The following ZNF670 variants were observed in gnomAD, a reference collection of about 807,000 sequenced individuals.
The protein encoded by ZNF670 is zinc finger protein 670.
In ZNF670, 7 loss-of-function variants were observed where a neutral mutation model predicts 10.9. The observed-to-expected ratio is 0.64, with a 90% CI of 0.36 to 1.20. The LOEUF (loss-of-function observed/expected upper bound fraction) is 1.20, where lower values mean the gene tolerates loss of function less well. Ranked by LOEUF, ZNF670 falls within the 50% of genes most tolerant of loss-of-function variation. ZNF670 has a pLI of 0.02. For missense variants in ZNF670, 446 were observed against 458.6 expected, an observed-to-expected ratio of 0.97 and a Z score of 0.25; for synonymous variants, 136 against 152.7, an observed-to-expected ratio of 0.89 and a Z score of 0.81.
At chr1:247,042,526 GT>G (rs890346598) in intron 1 of ZNF670, among the ~76,000 whole-genome samples, 4 of 152,188 alleles carry the variant, frequency 2.6e-5, no homozygotes, top group African/African-American at 4.8e-5. Flanking sequence ...TCTGTTGAGG[GT>G]AGGTGGAAAG....
chr1:247,052,645 G>A (rs889583034), intron 1 of ZNF670, among the ~76,000 whole-genome samples: 1 of 152,184 alleles, frequency 6.6e-6, no homozygotes, highest in Admixed American at 6.5e-5. Flanking sequence ...GTTACAGGTG[G>A]TGGAATTAGC....
At chr1:247,063,095 T>G (rs1558344634) in intron 1 of ZNF670, among the ~76,000 whole-genome samples, 2 of 152,300 alleles carry the variant, frequency 1.3e-5, no homozygotes, top group South Asian at 4.1e-4. Context: ...AGTGGTCAGG[T>G]GGTTATTCTC....
At chr1:247,042,506 G>C (rs142554871) in intron 1 of ZNF670, among the ~76,000 whole-genome samples, 1 of 152,176 alleles carries the variant, frequency 6.6e-6, no homozygotes, top group Non-Finnish European at 1.5e-5. Flanking sequence ...AAGGAGCCAG[G>C]CCTGTGTTTT....
At chr1:247,060,571 A>G (rs1225863515) in intron 1 of ZNF670, among the ~76,000 whole-genome samples, 1 of 152,246 alleles carries the variant, frequency 6.6e-6, no homozygotes, top group Non-Finnish European at 1.5e-5. Context: ...CAGCTGCAAC[A>G]TGGAAAACAT....
At position 247,050,204 on chromosome 1, in the gene ZNF670, G is replaced by A. The variant is rs146731088; in HGVS notation, c.4-10667C>T. ...TTATTCTATAAATTTGGAAGCTCCA[G>A]TGTTAAGTGCATATGGACTTAAGAC... On this transcript the variant is annotated intron_variant, in intron 1 of 3. Coordinates refer to ENST00000366503, the MANE Select transcript of ZNF670 (RefSeq NM_033213.5). 9.2e-3 allele frequency among the ~76,000 whole-genome samples: 1,407 copies of A among 152,296 alleles called. 24 individuals carry two copies. The highest frequency in any genetic ancestry group is 0.051 in the Middle Eastern group (15 of 294).
rs114457870 is a variant in ZNF670, at chr1:247,043,587, A to T, written c.4-4050T>A. On this transcript the variant is annotated intron_variant, in intron 1 of 3. Coordinates refer to ENST00000366503, the MANE Select transcript of ZNF670 (RefSeq NM_033213.5). ...TTCCAAAAGTCTCACAATTCACTTC[A>T]GCATTGGGAGCACCAGCAGATGTCA... 1.7e-3 allele frequency: 1,069 copies of T among 629,814 alleles called. 8 individuals are homozygous for T. The African/African-American group carries it at 0.018, about 11-fold the overall frequency. The allele number at this position is 629,814 out of a possible 1,614,324, so 39.0% of individuals were successfully genotyped here. A position where few individuals can be genotyped will look rare whatever the true frequency, so the allele number is the denominator to read the frequency against.
chr1:247,045,869 G>T (rs1353047208), intron 1 of ZNF670, among the ~76,000 whole-genome samples: 1 of 152,164 alleles, frequency 6.6e-6, no homozygotes, highest in African/African-American at 2.4e-5. Flanking sequence ...GACAGTGAAA[G>T]CCAGGCCAAT....
At chr1:247,068,769 T>C (rs1244672358) in intron 1 of ZNF670, among the ~76,000 whole-genome samples, 15 of 128,536 alleles carry the variant, frequency 1.2e-4, no homozygotes, top group African/African-American at 4.9e-4. Context: ...TAAGTGTCCA[T>C]CAACAAATGA....
intron 1 of ZNF670, among the ~76,000 whole-genome samples, chr1:247,051,165 G>C (rs141495677): frequency 4.0e-4 from 60 of 151,752 alleles, no homozygotes; most frequent in Admixed American, 3.9e-4. Context: ...AAAATTAGCC[G>C]GGCGTGGTGG....
In ZNF670 at chr1:247,034,961, G is replaced by A. The variant is rs947909859; in HGVS notation, c.*2488C>T. ...AAGGTGGAACATACATCCTCCTGGG[G>A]AACGGCTGGTCAACCAGTCATGTCT... On this transcript the variant is annotated 3_prime_UTR_variant, in exon 4 of 4. Transcript: ENST00000366503. 1.3e-5 allele frequency among the ~76,000 whole-genome samples: 2 copies of A among 152,208 alleles called. No homozygotes were observed. Among genetic ancestry groups the A allele is most frequent in the African/African-American group, 2.4e-5 (1 of 41,446 alleles).
intron 1 of ZNF670, among the ~76,000 whole-genome samples, chr1:247,064,758 C>T (rs938525722): frequency 6.6e-6 from 1 of 152,120 alleles, no homozygotes; most frequent in African/African-American, 2.4e-5. Flanking sequence ...TGAAAGCTAC[C>T]TCACTCTCTC....
chr1:247,048,602 A>C (rs1670514832), intron 1 of ZNF670, among the ~76,000 whole-genome samples: 1 of 152,240 alleles, frequency 6.6e-6, no homozygotes, highest in Non-Finnish European at 1.5e-5. Flanking sequence ...AACTTACTGT[A>C]TTAGTCCATT....
chr1:247,054,260 C>T (rs1670666564), intron 1 of ZNF670, among the ~76,000 whole-genome samples: 1 of 152,188 alleles, frequency 6.6e-6, no homozygotes, highest in Non-Finnish European at 1.5e-5. Context: ...ATGGCAACTC[C>T]TGGTGCTGAG....
intron 2 of ZNF670, 87 bp downstream of exon 2, chr1:247,039,324 G>C (rs1670249984): frequency 6.7e-7 from 1 of 1,490,306 alleles, no homozygotes; most frequent in African/African-American, 1.4e-5. Context: ...GCCTCCCAAA[G>C]TGCTGGGATT....
At position 247,075,535 on chromosome 1, in the gene ZNF670, G is replaced by A. The variant is rs139973538; in HGVS notation, c.3+3059C>T. Among the ~76,000 whole-genome samples, 18 of 152,278 alleles carry A rather than the reference G, an allele frequency of 1.2e-4. 1 individual carries two copies. Among genetic ancestry groups the A allele is most frequent in the African/African-American group, 3.8e-4 (16 of 41,574 alleles). On this transcript the variant is annotated intron_variant, in intron 1 of 3. Coordinates refer to ENST00000366503, the MANE Select transcript of ZNF670 (RefSeq NM_033213.5). Reference sequence around the variant, plus strand: ...ACATGTGGCAGGAACGTGGTGGGAGGTAATTGAATCATGGGGGCAGGTCTT... The same window carrying A: ...ACATGTGGCAGGAACGTGGTGGGAGATAATTGAATCATGGGGGCAGGTCTT...
chr1:247,068,545 T>G (rs574838859), intron 1 of ZNF670, among the ~76,000 whole-genome samples: 1 of 150,422 alleles, frequency 6.6e-6, no homozygotes, highest in Non-Finnish European at 1.5e-5. Context: ...AAAGGAACCC[T>G]TGTACACTGT....
chr1:247,072,810 A>G (rs1373667651), intron 1 of ZNF670, among the ~76,000 whole-genome samples: 24 of 44,584 alleles, frequency 5.4e-4, no homozygotes, highest in South Asian at 3.6e-3. Context: ...GTGTGTATAT[A>G]TATATATATA....
At chr1:247,071,864 T>TC (rs1000380833) in intron 1 of ZNF670, among the ~76,000 whole-genome samples, 1 of 150,164 alleles carries the variant, frequency 6.7e-6, no homozygotes, top group African/African-American at 2.4e-5. Flanking sequence ...TTTCTTTCTT[T>TC]TTTTTTTTTT....
At chr1:247,051,277 A>C (rs1670590011) in intron 1 of ZNF670, among the ~76,000 whole-genome samples, 1 of 152,074 alleles carries the variant, frequency 6.6e-6, no homozygotes, top group Admixed American at 6.5e-5. Flanking sequence ...AACAAAAAAA[A>C]AACTCCTTTT....
Sources: allele counts gnomAD v4.1 joint callset (sites outside exome capture counted in the v4.1 genomes callset), GRCh38; gene constraint gnomAD v4.1.1; transcripts MANE v1.5; gene names NCBI Gene and HGNC (gene_info 2026-07-23, HGNC 2026-07-21).